ATP12A: variants seen among roughly 807,000 people sequenced by gnomAD.
The protein encoded by ATP12A is ATPase H+/K+ transporting non-gastric alpha2 subunit.
Under a neutral mutation model 111.2 loss-of-function variants are expected in ATP12A, and 81 were observed. The ratio of observed to expected loss-of-function variants is 0.73; its 90% CI spans 0.61 to 0.88. The LOEUF (loss-of-function observed/expected upper bound fraction) is 0.88. Among genes scored for constraint, ATP12A ranks in the 40% least tolerant of loss-of-function variants. The pLI is 0.00. For synonymous variants in ATP12A, 498 were observed against 499.8 expected (o/e 1.00, Z 0.05); for missense variants, 1,196 against 1,313.1 (o/e 0.91, Z 1.38).
chr13:24,698,909 C>T (rs550567680), intron 12 of ATP12A, 59 bp downstream of exon 12: 1 of 1,579,032 alleles, frequency 6.3e-7, no homozygotes, highest in African/African-American at 1.3e-5. Context: ...GAGGCAGGCG[C>T]CTTGAGGACC....
At chr13:24,698,940 A>C in intron 12 of ATP12A, 90 bp downstream of exon 12, 1 of 1,454,824 alleles carries the variant, frequency 6.9e-7, no homozygotes, top group South Asian at 1.3e-5. Flanking sequence ...CCCAGTGGCC[A>C]TGGCATCCAC....
intron 2 of ATP12A, among the ~76,000 whole-genome samples, chr13:24,683,170 C>T (rs1018282356): frequency 1.5e-4 from 23 of 152,272 alleles, no homozygotes; most frequent in Admixed American, 1.4e-3. Flanking sequence ...GTTGGCCAGG[C>T]TGCTCTCGAA....
Position 24,685,434 on chromosome 13 carries a change from G to A in ATP12A, c.228+61G>A. The A allele has an allele frequency of 5.8e-6, 9 of 1,553,092 alleles. No individual in the cohort carries two copies. The highest frequency in any genetic ancestry group is 8.0e-6 in the Non-Finnish European group (9 of 1,124,540). ...CTCCCAACTCTACAGAGGGAAGGCT[G>A]TGTGTGGCGGGGGGCTGTGTGGAAG... On this transcript the variant is annotated intron_variant, in intron 3 of 22. Transcript: ENST00000381946. This position sits in a 1 kb window ranked among gnomAD's most constrained non-coding sequence, Gnocchi z 5.5.
At chr13:24,688,933 T>C (rs911089317) in intron 4 of ATP12A, among the ~76,000 whole-genome samples, 1 of 152,066 alleles carries the variant, frequency 6.6e-6, no homozygotes. Context: ...ACATGAAATG[T>C]GCAGAACAGG....
chr13:24,687,929 C>A (rs1593132093), intron 3 of ATP12A, among the ~76,000 whole-genome samples: 1 of 152,192 alleles, frequency 6.6e-6, no homozygotes, highest in African/African-American at 2.4e-5. Context: ...AGTGCAGTGG[C>A]TCTGGACCCA....
intron 19 of ATP12A, 98 bp from the exon 20 acceptor site, chr13:24,710,362 G>A: frequency 6.9e-7 from 1 of 1,449,926 alleles, no homozygotes; most frequent in East Asian, 2.3e-5. Context: ...GTCCGGGTGA[G>A]GTGTGGAAAG....
chr13:24,699,152 A>C (rs892900325), intron 12 of ATP12A, among the ~76,000 whole-genome samples: 1 of 152,160 alleles, frequency 6.6e-6, no homozygotes, highest in Non-Finnish European at 1.5e-5. Flanking sequence ...AGGGAACAGC[A>C]CAGGCCAATC....
At chr13:24,695,558 ACCT>A (rs1875115668) in intron 11 of ATP12A, among the ~76,000 whole-genome samples, 1 of 144,848 alleles carries the variant, frequency 6.9e-6, no homozygotes, top group African/African-American at 2.6e-5. Flanking sequence ...GTGATTATCC[ACCT>A]GTCTTAGTTC....
In ATP12A at chr13:24,681,634, A is replaced by C. The variant is rs1874437495; in HGVS notation, c.82A>C (p.Lys28Gln). 1.9e-6 allele frequency: 3 copies of C among 1,614,216 alleles called. No homozygotes were observed. Among genetic ancestry groups the C allele is most frequent in the Non-Finnish European group, 2.5e-6 (3 of 1,180,042 alleles). Residue 28 changes from lysine (K) to glutamine (Q), a missense_variant, in exon 2 of 23, where the codon AAG becomes CAG. Lys to Gln is a moderately conservative substitution (Grantham distance 53, BLOSUM62 1). Transcript: ENST00000381946. The part of the protein sequence containing the change: ...DIVKTDKGDG[K>Q]EKYRGLKNNC... Reference sequence around the variant, plus strand: ...CGTGAAAACAGACAAGGGGGATGGCAAGGAGAAGTATAGGGGTCTGAAGAA... The same window carrying C: ...CGTGAAAACAGACAAGGGGGATGGCCAGGAGAAGTATAGGGGTCTGAAGAA...
chr13:24,681,674 T>C lies in ATP12A; in HGVS notation c.122T>C (p.Leu41Pro). Residue 41 changes from leucine (L) to proline (P), a missense_variant, in exon 2 of 23, where the codon CTC becomes CCC. Transcript: ENST00000381946. ...GGTCTGAAGAACAACTGCCTGGAAC[T>C]CAAAAAGAAAAATCACAAAGAGGAG... ...YRGLKNNCLELKKKNHKEEFQ... is the reference protein window; with the variant it reads ...YRGLKNNCLEPKKKNHKEEFQ... 1 of 1,614,082 alleles carries C rather than the reference T, an allele frequency of 6.2e-7. No homozygotes were observed. The highest frequency in any genetic ancestry group is 8.5e-7 in the Non-Finnish European group (1 of 1,180,008).
intron 3 of ATP12A, among the ~76,000 whole-genome samples, chr13:24,686,589 A>T (rs1397961700): frequency 6.6e-6 from 1 of 151,874 alleles, no homozygotes; most frequent in Non-Finnish European, 1.5e-5. Flanking sequence ...AAATACAAAA[A>T]TTAGTCGGGC....
intron 17 of ATP12A, among the ~76,000 whole-genome samples, chr13:24,708,550 C>A (rs1159081006): frequency 6.6e-6 from 1 of 152,056 alleles, no homozygotes; most frequent in Non-Finnish European, 1.5e-5. Flanking sequence ...CAGTGCTTCT[C>A]CAGGCCTGGT....
At position 24,711,376 on chromosome 13, in the gene ATP12A, G is replaced by A. The variant is rs1219714829; in HGVS notation, c.3058G>A (p.Val1020Met). The A allele has an allele frequency of 1.2e-6, 2 of 1,612,206 alleles. No homozygotes were observed. Among genetic ancestry groups the A allele is most frequent in the Non-Finnish European group, 8.5e-7 (1 of 1,179,128 alleles). ...CATCCTGATCTGGGTGTATGATGAGGTGCGGAAGCTCTTCATCAGGCTCTA... is the reference window on the plus strand; with the variant it reads ...CATCCTGATCTGGGTGTATGATGAGATGCGGAAGCTCTTCATCAGGCTCTA... ...HAILIWVYDE[V>M]RKLFIRLYPG... The change falls in exon 22 of 23, where the codon GTG becomes ATG. Residue 1020 changes from valine (V) to methionine (M), a missense_variant. Physicochemically the swap from Val to Met is conservative, Grantham distance 21 (BLOSUM62 1). This residue lies in a region of ATP12A where 1,126 missense variants were observed against 1,228.5 expected (regional missense o/e 0.92). Coordinates refer to ENST00000381946, the MANE Select transcript of ATP12A (RefSeq NM_001676.7).
Position 24,691,073 on chromosome 13 carries a change from G to A in ATP12A, c.891G>A (p.Thr297=), listed in dbSNP as rs61739266. The part of the protein sequence containing the change: ...SLASGVGNEK[T]PIAIEIEHFV... ...CCTCAGGAGTTGGAAATGAGAAGAC[G>A]CCCATTGCCATTGAGATCGAGCACT... Residue 297 remains threonine (T), a synonymous_variant, in exon 8 of 23, where the codon ACG becomes ACA. Coordinates refer to ENST00000381946, the MANE Select transcript of ATP12A (RefSeq NM_001676.7). The A allele has an allele frequency of 1.1e-4, 182 of 1,614,212 alleles. No individual in the cohort carries two copies. The East Asian group carries it at 1.4e-3, about 13-fold the overall frequency.
chr13:24,686,060 T>C (rs1041993851), intron 3 of ATP12A, among the ~76,000 whole-genome samples: 2 of 152,308 alleles, frequency 1.3e-5, no homozygotes, highest in Admixed American at 1.3e-4. Context: ...TAGAAGATTC[T>C]TTTTTTAAAG....
intron 11 of ATP12A, among the ~76,000 whole-genome samples, chr13:24,695,236 C>T (rs767737292): frequency 1.3e-5 from 2 of 152,216 alleles, no homozygotes; most frequent in Non-Finnish European, 2.9e-5. Context: ...TTTGGGGAGA[C>T]CGGTGAGCAG....
intron 3 of ATP12A, 41 bp from the exon 4 acceptor site, chr13:24,688,278 A>ATTTGTTTTGGTTGTGCATGTGC (rs764267118): frequency 1.3e-6 from 2 of 1,564,940 alleles, no homozygotes; most frequent in Admixed American, 3.6e-5. Context: ...TCTAATTCGT[A>ATTTGTTTTGGTTGTGCATGTGC]TTTGTTTTGG....
At chr13:24,682,766 C>T (rs907174661) in intron 2 of ATP12A, among the ~76,000 whole-genome samples, 2 of 152,220 alleles carry the variant, frequency 1.3e-5, no homozygotes, top group African/African-American at 2.4e-5. Flanking sequence ...TCCCACTTCT[C>T]CACTGAGCTG....
chr13:24,694,728 G>A, intron 11 of ATP12A, 150 bp downstream of exon 11: 1 of 1,236,336 alleles, frequency 8.1e-7, no homozygotes, highest in Non-Finnish European at 1.1e-6. Flanking sequence ...GGTCCCCTAG[G>A]TCAAGCTCCC....
Sources: gnomAD v4.1 joint callset for allele counts (sites outside exome capture counted in the v4.1 genomes callset) on GRCh38, gnomAD v4.1.1 for gene constraint, gnomAD v4.1.1 regional missense constraint, Gnocchi (gnomAD v3.1) non-coding constraint, MANE v1.5 for transcripts, NCBI Gene and HGNC (gene_info 2026-07-23, HGNC 2026-07-21) for gene names.